ZNF365: variants seen among roughly 807,000 people sequenced by gnomAD.
The protein encoded by ZNF365 is zinc finger protein 365.
A neutral mutation model predicts 35.0 loss-of-function variants in ZNF365; 22 were observed. The ratio of observed to expected loss-of-function variants is 0.63; its 90% CI spans 0.45 to 0.90. The LOEUF is 0.90. Among genes scored for constraint, ZNF365 ranks in the 40% least tolerant of loss-of-function variants. The pLI is 0.00. For missense variants in ZNF365, 448 were observed against 500.3 expected, an observed-to-expected ratio of 0.90 and a Z score of 1.00; for synonymous variants, 188 against 196.2, an observed-to-expected ratio of 0.96 and a Z score of 0.35.
At chr10:62,456,517 G>A (rs1840763480) in intron 3 of ZNF365, among the ~76,000 whole-genome samples, 1 of 151,598 alleles carries the variant, frequency 6.6e-6, no homozygotes, top group Non-Finnish European at 1.5e-5. Flanking sequence ...TCTTCTGATT[G>A]CAAGTTGGAT....
intron 3 of ZNF365, among the ~76,000 whole-genome samples, chr10:62,446,237 G>A (rs1840586071): frequency 6.6e-6 from 1 of 152,076 alleles, no homozygotes; most frequent in African/African-American, 2.4e-5. Context: ...GTGTGATCTT[G>A]GGAAGACAAT....
intron 3 of ZNF365, among the ~76,000 whole-genome samples, chr10:62,449,937 A>G (rs1272382320): frequency 6.6e-6 from 1 of 151,594 alleles, no homozygotes; most frequent in Non-Finnish European, 1.5e-5. Context: ...TGGGTAATTT[A>G]TGTTAAAGAT....
chr10:62,477,171 G>C (rs1841145861), intron 4 of ZNF365, among the ~76,000 whole-genome samples: 1 of 151,998 alleles, frequency 6.6e-6, no homozygotes, highest in Non-Finnish European at 1.5e-5. Context: ...AATTGCAAGT[G>C]GGTATATGAG....
intron 3 of ZNF365, among the ~76,000 whole-genome samples, chr10:62,429,320 C>A (rs1006658439): frequency 6.6e-6 from 1 of 152,170 alleles, no homozygotes; most frequent in Non-Finnish European, 1.5e-5. Context: ...TGCTGTTTGG[C>A]ACTTGGCCTT....
chr10:62,406,353 G>A (rs1443673003), downstream of ZNF365, among the ~76,000 whole-genome samples: 1 of 152,108 alleles, frequency 6.6e-6, no homozygotes, highest in East Asian at 1.9e-4. Flanking sequence ...AGAATACCAT[G>A]TACCTATTCC....
At chr10:62,430,040 T>A (rs1178156784) in intron 3 of ZNF365, among the ~76,000 whole-genome samples, 5 of 152,208 alleles carry the variant, frequency 3.3e-5, no homozygotes, top group Non-Finnish European at 7.3e-5. Context: ...TACTGGTCTA[T>A]CATGTGAATG....
At chr10:62,441,566 C>A (rs1047972290) in intron 3 of ZNF365, among the ~76,000 whole-genome samples, 5 of 151,946 alleles carry the variant, frequency 3.3e-5, no homozygotes, top group East Asian at 1.9e-4. Flanking sequence ...TCTCTGGGTG[C>A]GTAAATCAGA....
chr10:62,467,826 T>C (rs1840969356), intron 4 of ZNF365, among the ~76,000 whole-genome samples: 1 of 152,222 alleles, frequency 6.6e-6, no homozygotes, highest in African/African-American at 2.4e-5. Flanking sequence ...TGATCAAGTA[T>C]CTATTGTAAC....
chr10:62,448,697 A>T (rs1840630195), intron 3 of ZNF365, among the ~76,000 whole-genome samples: 1 of 152,176 alleles, frequency 6.6e-6, no homozygotes, highest in Non-Finnish European at 1.5e-5. Flanking sequence ...TTCCTTTCAA[A>T]TCTAGGAGAC....
At chr10:62,433,719 C>T (rs533229744) in intron 3 of ZNF365, among the ~76,000 whole-genome samples, 2 of 152,228 alleles carry the variant, frequency 1.3e-5, no homozygotes, top group South Asian at 4.2e-4. Context: ...GGACCCCAAT[C>T]CAGGCCAAAC....
chr10:62,476,765 C>G (rs775196297), intron 4 of ZNF365, among the ~76,000 whole-genome samples: 8 of 152,166 alleles, frequency 5.3e-5, no homozygotes, highest in Non-Finnish European at 1.0e-4. Context: ...ATTGAAGCAG[C>G]CTTATTCTAT....
intron 3 of ZNF365, among the ~76,000 whole-genome samples, chr10:62,438,836 A>G (rs1161633068): frequency 2.0e-5 from 3 of 152,172 alleles, no homozygotes; most frequent in African/African-American, 4.8e-5. Flanking sequence ...CTTCCTCAGT[A>G]TGCTTCTCAC....
At chr10:62,380,228 T>C (rs549112996) in intron 2 of ZNF365, among the ~76,000 whole-genome samples, 1 of 152,362 alleles carries the variant, frequency 6.6e-6, no homozygotes, top group Admixed American at 6.5e-5. Context: ...GTTTGAACTA[T>C]GCAGTTCCAC....
intron 3 of ZNF365, among the ~76,000 whole-genome samples, chr10:62,428,775 T>C (rs1301845615): frequency 6.6e-6 from 1 of 152,220 alleles, no homozygotes; most frequent in Non-Finnish European, 1.5e-5. Context: ...ACACTGAACG[T>C]GGCTTGTCAC....
chr10:62,425,620 CT>C (rs1448702203), intron 3 of ZNF365, among the ~76,000 whole-genome samples: 1 of 152,192 alleles, frequency 6.6e-6, no homozygotes, highest in Non-Finnish European at 1.5e-5. Context: ...CCCAGATTTT[CT>C]TTTGGCTCTC....
At chr10:62,390,033 C>A (rs1013746537) in intron 3 of ZNF365, among the ~76,000 whole-genome samples, 1 of 152,002 alleles carries the variant, frequency 6.6e-6, no homozygotes. Flanking sequence ...CTCTTTCTGC[C>A]GTCTTCTTTC....
intron 3 of ZNF365, among the ~76,000 whole-genome samples, chr10:62,415,333 A>G (rs1306663968): frequency 1.3e-5 from 2 of 152,126 alleles, no homozygotes; most frequent in Non-Finnish European, 2.9e-5. Context: ...GGCAAACAAA[A>G]TTAAGACTGA....
chr10:62,405,528 A>T (rs1839892677), downstream of ZNF365, among the ~76,000 whole-genome samples: 1 of 152,204 alleles, frequency 6.6e-6, no homozygotes, highest in South Asian at 2.1e-4. Context: ...ATGATCCTAT[A>T]TGCATTTGTT....
intron 3 of ZNF365, among the ~76,000 whole-genome samples, chr10:62,393,183 T>C (rs887591270): frequency 6.6e-6 from 1 of 152,208 alleles, no homozygotes; most frequent in Non-Finnish European, 1.5e-5. Context: ...CAACACCTTC[T>C]TTTGGAATAC....
Sources: gnomAD v4.1 joint callset for allele counts (sites outside exome capture counted in the v4.1 genomes callset) on GRCh38, gnomAD v4.1.1 for gene constraint, MANE v1.5 for transcripts, NCBI Gene and HGNC (gene_info 2026-07-23, HGNC 2026-07-21) for gene names.